RFX3: variants seen among roughly 807,000 people sequenced by gnomAD.
RFX3 encodes regulatory factor X3, also known as transcription factor RFX3.
In RFX3, 14 loss-of-function variants were observed where a neutral mutation model predicts 98.6. The ratio of observed to expected loss-of-function variants is 0.14; its 90% CI spans 0.09 to 0.22. The LOEUF (loss-of-function observed/expected upper bound fraction) is 0.22, where lower values mean the gene tolerates loss of function less well. Ranked by LOEUF, RFX3 falls within the 10% of genes least tolerant of loss-of-function variation. The probability of loss-of-function intolerance (pLI) is 1.00; values close to 1 mark genes in which losing one functional copy is unlikely to be tolerated. For synonymous variants in RFX3, 383 were observed against 328.4 expected (o/e 1.17, Z -1.80); for missense variants, 639 against 926.9 (o/e 0.69, Z 4.03).
chr9:3,257,101 C>T lies in RFX3; in HGVS notation c.1704G>A (p.Gln568=), dbSNP rs780925118. ...MTLQQQSTLE[Q]WAAWLDNVMM... is the part of the protein sequence containing the mutation. ...TCACATTGTCAAGCCACGCAGCCCA[C>T]TGCTCCAGGGTGCTCTGCTGCTGAA... Residue 568 remains glutamine (Q), a synonymous_variant, in exon 14 of 17, where the codon CAG becomes CAA. Coordinates refer to ENST00000617270, the MANE Select transcript of RFX3 (RefSeq NM_001282116.2). 1.2e-6 allele frequency: 2 copies of T among 1,614,058 alleles called. No individual in the cohort carries two copies. Among genetic ancestry groups the T allele is most frequent in the African/African-American group, 1.3e-5 (1 of 74,992 alleles).
intron 2 of RFX3, among the ~76,000 whole-genome samples, chr9:3,354,329 G>A (rs1486404346): frequency 1.3e-5 from 2 of 151,772 alleles, no homozygotes; most frequent in African/African-American, 4.8e-5. Context: ...GATCCACTGA[G>A]GCCAGAAATT....
In RFX3 at chr9:3,222,731, T is replaced by C. The variant is rs1663780470; in HGVS notation, c.*2311A>G. On this transcript the variant is annotated 3_prime_UTR_variant, in exon 17 of 17. Transcript: ENST00000617270. ...ATACATGAACTTTTGCAGATTATCA[T>C]GTTTTGTTTGCCTTTTTTGTGTGTG... 1 of 152,146 alleles carries C rather than the reference T, an allele frequency of 6.6e-6. No individual in the cohort carries two copies. The highest frequency in any genetic ancestry group is 6.6e-5 in the Admixed American group (1 of 15,266). The allele number at this position is 152,146 out of a possible 1,614,324, so 9.4% of individuals were successfully genotyped here.
At chr9:3,472,277 A>C (rs1360437114) in intron 1 of RFX3, among the ~76,000 whole-genome samples, 2 of 152,098 alleles carry the variant, frequency 1.3e-5, no homozygotes, top group Admixed American at 1.3e-4. Context: ...CTTTAGTGTT[A>C]AACAGACCAC....
intron 1 of RFX3, among the ~76,000 whole-genome samples, chr9:3,419,494 C>T (rs1342881891): frequency 6.6e-6 from 1 of 152,180 alleles, no homozygotes; most frequent in Non-Finnish European, 1.5e-5. Context: ...GCAAACCCTT[C>T]TTACCTGGGC....
chr9:3,334,633 G>A (rs1276483230), intron 3 of RFX3, among the ~76,000 whole-genome samples: 2 of 152,138 alleles, frequency 1.3e-5, no homozygotes, highest in African/African-American at 4.8e-5. Context: ...GTGCGACTGT[G>A]GAGAAGCCTT....
At chr9:3,416,285 A>G (rs1470786302) in intron 1 of RFX3, among the ~76,000 whole-genome samples, 1 of 152,194 alleles carries the variant, frequency 6.6e-6, no homozygotes, top group Non-Finnish European at 1.5e-5. Context: ...ATATTTTAGC[A>G]TGAACATTAT....
At chr9:3,375,540 A>T (rs1838362940) in intron 2 of RFX3, among the ~76,000 whole-genome samples, 1 of 152,236 alleles carries the variant, frequency 6.6e-6, no homozygotes, top group African/African-American at 2.4e-5. Context: ...TCTTACCAAA[A>T]ACATGACCTC....
chr9:3,320,412 G>T (rs990549762), intron 4 of RFX3, among the ~76,000 whole-genome samples: 1 of 151,816 alleles, frequency 6.6e-6, no homozygotes, highest in African/African-American at 2.4e-5. Flanking sequence ...AAGCTAGCCG[G>T]GTGTGGTGGC....
intron 1 of RFX3, among the ~76,000 whole-genome samples, chr9:3,399,216 C>T (rs1841225647): frequency 1.3e-5 from 2 of 150,960 alleles, no homozygotes. Context: ...GGGTGAATCA[C>T]CTGAGGTCAG....
In RFX3 at chr9:3,357,227, G is replaced by C. The variant is rs1394011261; in HGVS notation, c.118-10463C>G. Reference sequence around the variant, plus strand: ...ATTTCATTAATAATATGTAAACCTTGATGGATATTTTCAAACATAGCCTCT... The same window carrying C: ...ATTTCATTAATAATATGTAAACCTTCATGGATATTTTCAAACATAGCCTCT... On this transcript the variant is annotated intron_variant, in intron 2 of 16. Coordinates refer to ENST00000617270, the MANE Select transcript of RFX3 (RefSeq NM_001282116.2). Among the ~76,000 whole-genome samples, 7 of 151,944 alleles carry C rather than the reference G, an allele frequency of 4.6e-5. No individual in the cohort carries two copies. The East Asian group carries it at 1.4e-3, about 29-fold the overall frequency.
In RFX3 at chr9:3,414,513, G is replaced by GTA. The variant is rs989024413; in HGVS notation, c.-8-18919_-8-18918dup. 1.2e-3 allele frequency among the ~76,000 whole-genome samples: 185 copies of GTA among 149,738 alleles called. 3 individuals are homozygous for GTA. Among genetic ancestry groups the GTA allele is most frequent in the African/African-American group, 3.9e-3 (159 of 40,800 alleles). ...TATATGTGTATATACATATATAAGA[G>GTA]TATATATATATGTGTGTGTGTGTAT... On this transcript the variant is annotated intron_variant, in intron 1 of 16. Coordinates refer to ENST00000617270, the MANE Select transcript of RFX3 (RefSeq NM_001282116.2).
At chr9:3,450,980 T>C (rs1161169489) in intron 1 of RFX3, among the ~76,000 whole-genome samples, 1 of 152,062 alleles carries the variant, frequency 6.6e-6, no homozygotes, top group Non-Finnish European at 1.5e-5. Context: ...TATTTTCCAA[T>C]AAAAAGAATC....
chr9:3,509,909 TCA>T (rs2133821368), intron 1 of RFX3, among the ~76,000 whole-genome samples: 1 of 152,080 alleles, frequency 6.6e-6, no homozygotes, highest in Non-Finnish European at 1.5e-5. Context: ...TCACTTACCC[TCA>T]GTTTTCTTAC....
At chr9:3,240,820 A>C (rs1048235223) in intron 15 of RFX3, among the ~76,000 whole-genome samples, 3 of 152,198 alleles carry the variant, frequency 2.0e-5, no homozygotes, top group Non-Finnish European at 4.4e-5. Context: ...GCCAAGAGCC[A>C]CTTGGGCTAG....
At chr9:3,503,681 T>C (rs1316621766) in intron 1 of RFX3, among the ~76,000 whole-genome samples, 4 of 152,140 alleles carry the variant, frequency 2.6e-5, no homozygotes, top group Non-Finnish European at 5.9e-5. Context: ...TTAAATAATC[T>C]CTCATTTGCC....
At chr9:3,360,690 T>A (rs1836319901) in intron 2 of RFX3, among the ~76,000 whole-genome samples, 1 of 152,170 alleles carries the variant, frequency 6.6e-6, no homozygotes, top group South Asian at 2.1e-4. Flanking sequence ...TTTTGTGTAC[T>A]TTTTTTGTAA....
intron 1 of RFX3, among the ~76,000 whole-genome samples, chr9:3,504,956 A>G (rs1263334052): frequency 2.8e-4 from 17 of 61,738 alleles, no homozygotes; most frequent in Admixed American, 1.9e-3. Flanking sequence ...TATAATATAT[A>G]TTATATATAA....
intron 1 of RFX3, among the ~76,000 whole-genome samples, chr9:3,397,579 C>T (rs1046629381): frequency 2.0e-5 from 3 of 152,138 alleles, no homozygotes; most frequent in Non-Finnish European, 2.9e-5. Flanking sequence ...GAACCTAAAA[C>T]CCAGAGAGAT....
At chr9:3,235,225 G>A (rs552682556) in intron 15 of RFX3, among the ~76,000 whole-genome samples, 4 of 152,344 alleles carry the variant, frequency 2.6e-5, no homozygotes, top group South Asian at 4.1e-4. Flanking sequence ...AGGTGAAGAC[G>A]TAAAGAGAGA....
Sources: gnomAD v4.1 joint callset for allele counts (sites outside exome capture counted in the v4.1 genomes callset) on GRCh38, gnomAD v4.1.1 for gene constraint, MANE v1.5 for transcripts, NCBI Gene and HGNC (gene_info 2026-07-23, HGNC 2026-07-21) for gene names.